Variants in IL1RAPL2 observed in about 807,000 individuals in gnomAD.
IL1RAPL2 encodes X-linked interleukin-1 receptor accessory protein-like 2.
A neutral mutation model predicts 44.1 loss-of-function variants in IL1RAPL2; 3 were observed. That is an observed-to-expected ratio of 0.07 (90% CI 0.03 to 0.18). The LOEUF is 0.18. Ranked by LOEUF, IL1RAPL2 falls within the 10% of genes least tolerant of loss-of-function variation. The pLI is 1.00. For missense variants in IL1RAPL2, 391 were observed against 496.4 expected (o/e 0.79, Z 2.02); for synonymous variants, 181 against 178.8 (o/e 1.01, Z -0.10).
intron 1 of IL1RAPL2, among the ~76,000 whole-genome samples, chrX:104,583,613 T>A (rs1334532515): frequency 8.9e-6 from 1 of 112,279 alleles, no homozygotes; most frequent in Non-Finnish European, 1.9e-5. Context: ...TTTCATAGTA[T>A]CTATATATCA....
intron 2 of IL1RAPL2, among the ~76,000 whole-genome samples, chrX:104,956,495 T>TGTGTGTGTGTGTGTGTGTGTGTG (rs1556020850): frequency 9.2e-6 from 1 of 108,552 alleles, no homozygotes; most frequent in African/African-American, 3.4e-5. Flanking sequence ...TGTGTGTGTG[T>TGTGTGTGTGTGTGTGTGTGTGTG]TATGCCGGGC....
At chrX:105,437,048 T>TAC (rs1556319120) in intron 5 of IL1RAPL2, among the ~76,000 whole-genome samples, 4 of 104,866 alleles carry the variant, frequency 3.8e-5, no homozygotes, top group Non-Finnish European at 5.8e-5. Context: ...TATATATATA[T>TAC]ACCATATTTA....
intron 6 of IL1RAPL2, among the ~76,000 whole-genome samples, chrX:105,600,517 T>C (rs1480697790): frequency 9.2e-6 from 1 of 108,953 alleles, no homozygotes; most frequent in Non-Finnish European, 1.9e-5. Context: ...AATGAGTATT[T>C]AATAATTTAA....
At chrX:105,703,303 A>C (rs210432) in intron 6 of IL1RAPL2, among the ~76,000 whole-genome samples, 49,609 of 109,537 alleles carry the variant, frequency 0.45, 9,826 homozygotes, top group African/African-American at 0.79. Context: ...GCACAACTTC[A>C]CCCTATTGAG....
chrX:105,330,573 G>A (rs1409466682), intron 5 of IL1RAPL2, among the ~76,000 whole-genome samples: 1 of 111,085 alleles, frequency 9.0e-6, no homozygotes, highest in African/African-American at 3.3e-5. Context: ...AATTCACCAT[G>A]TTACCTAAAA....
intron 2 of IL1RAPL2, among the ~76,000 whole-genome samples, chrX:105,104,494 C>T (rs1362842861): frequency 8.9e-6 from 1 of 111,878 alleles, no homozygotes. Context: ...TAAAGATGAA[C>T]AGCTTCTCAT....
chrX:104,696,007 C>G (rs1403624888), intron 2 of IL1RAPL2, among the ~76,000 whole-genome samples: 1 of 111,137 alleles, frequency 9.0e-6, no homozygotes, highest in Non-Finnish European at 1.9e-5. Flanking sequence ...GGGGTTTCAC[C>G]ATGTTGGCCA....
chrX:105,600,700 TTGA>T (rs1212441149), intron 6 of IL1RAPL2, among the ~76,000 whole-genome samples: 2 of 109,820 alleles, frequency 1.8e-5, no homozygotes, highest in Non-Finnish European at 3.8e-5. Flanking sequence ...ATTAATTTAA[TTGA>T]TAATGAATAA....
chrX:104,685,901 C>G (rs1930978527), intron 2 of IL1RAPL2, among the ~76,000 whole-genome samples: 1 of 108,513 alleles, frequency 9.2e-6, no homozygotes, highest in South Asian at 4.1e-4. Context: ...GCACTCCAGC[C>G]TGGGCAACAG....
intron 6 of IL1RAPL2, among the ~76,000 whole-genome samples, chrX:105,679,922 T>C (rs1013343875): frequency 8.0e-5 from 9 of 111,936 alleles, no homozygotes; most frequent in Non-Finnish European, 1.5e-4. Context: ...TTTTAAAAGC[T>C]CTTTATTATG....
At chrX:104,808,436 G>T (rs1310833287) in intron 2 of IL1RAPL2, among the ~76,000 whole-genome samples, 1 of 111,739 alleles carries the variant, frequency 8.9e-6, no homozygotes, top group East Asian at 2.8e-4. Context: ...GGCAGGCAAA[G>T]GACCTTAGAC....
At chrX:105,624,323 G>A (rs970826128) in intron 6 of IL1RAPL2, among the ~76,000 whole-genome samples, 4 of 110,927 alleles carry the variant, frequency 3.6e-5, no homozygotes, top group Non-Finnish European at 1.9e-5. Flanking sequence ...CTTGAGAGGA[G>A]GCAGCTCAAA....
chrX:104,728,105 TAAAGAA>T (rs1177559484), intron 2 of IL1RAPL2, among the ~76,000 whole-genome samples: 2 of 109,897 alleles, frequency 1.8e-5, no homozygotes, highest in Admixed American at 9.7e-5. Flanking sequence ...TCTATAAAAA[TAAAGAA>T]AAAGAAAAAG....
At chrX:104,591,313 A>G (rs757756086) in intron 1 of IL1RAPL2, among the ~76,000 whole-genome samples, 1 of 111,024 alleles carries the variant, frequency 9.0e-6, no homozygotes, top group South Asian at 3.8e-4. Flanking sequence ...CACTCCCATA[A>G]CCAACAGAAA....
At chrX:104,902,893 G>C (rs898644813) in intron 2 of IL1RAPL2, among the ~76,000 whole-genome samples, 2 of 111,607 alleles carry the variant, frequency 1.8e-5, no homozygotes, top group Non-Finnish European at 3.8e-5. Flanking sequence ...GTGGTGTTCT[G>C]GGGGAGATAA....
intron 6 of IL1RAPL2, among the ~76,000 whole-genome samples, chrX:105,617,282 A>G (rs2037384395): frequency 9.0e-6 from 1 of 110,782 alleles, no homozygotes; most frequent in Non-Finnish European, 1.9e-5. Context: ...TGATTCTAAC[A>G]TACTTTGAAT....
chrX:105,553,139 TAG>T lies in IL1RAPL2; in HGVS notation c.772+68755_772+68756del, dbSNP rs1490857753. Reference sequence around the variant, plus strand: ...TGTGAAAAGGAACTCTCACTCAATCTAGAGTCTCCTTAGAGAGGGAATAAACC... The same window carrying T: ...TGTGAAAAGGAACTCTCACTCAATCTAGTCTCCTTAGAGAGGGAATAAACC... On this transcript the variant is annotated intron_variant, in intron 6 of 10. Coordinates refer to ENST00000372582, the MANE Select transcript of IL1RAPL2 (RefSeq NM_017416.2). Among the ~76,000 whole-genome samples the T allele has an allele frequency of 1.1e-4, 12 of 112,098 alleles. No homozygotes were observed. In the Admixed American group the frequency reaches 1.1e-3, roughly 11 times the overall value.
intron 2 of IL1RAPL2, among the ~76,000 whole-genome samples, chrX:104,905,748 G>C (rs1337382288): frequency 6.3e-5 from 7 of 111,239 alleles, no homozygotes; most frequent in African/African-American, 2.3e-4. Context: ...GATGCCTCCA[G>C]CTTTGTTCTT....
At chrX:105,061,782 C>G (rs984286368) in intron 2 of IL1RAPL2, among the ~76,000 whole-genome samples, 7 of 111,985 alleles carry the variant, frequency 6.3e-5, no homozygotes, top group Non-Finnish European at 1.3e-4. Context: ...GCCCCTTTAT[C>G]ATTGTATAGT....
Sources: allele counts gnomAD v4.1 joint callset (sites outside exome capture counted in the v4.1 genomes callset), GRCh38; gene constraint gnomAD v4.1.1; transcripts MANE v1.5; gene names NCBI Gene and HGNC (gene_info 2026-07-23, HGNC 2026-07-21).